The following SLPI variants were observed in gnomAD, a reference collection of about 807,000 sequenced individuals.
SLPI encodes the protein secretory leukocyte peptidase inhibitor, also known as antileukoproteinase.
In SLPI, 20 loss-of-function variants were observed where a neutral mutation model predicts 14.3. The observed-to-expected ratio is 1.40, with a 90% CI of 0.99 to 2.04. The LOEUF (loss-of-function observed/expected upper bound fraction) is 2.04. SLPI is among the 30% of genes most tolerant of loss of function. SLPI has a pLI of 0.00. For synonymous variants in SLPI, 68 were observed against 54.8 expected, an observed-to-expected ratio of 1.24 and a Z score of -1.07; for missense variants, 169 against 159.4, an observed-to-expected ratio of 1.06 and a Z score of -0.32.
chr20:45,253,001 C>A lies in SLPI; in HGVS notation c.394+1G>T. ...TCAGTGTGCCCTCATCCCCTGCTTA[C>A]CTTTCACAGGGGAAACGCAGGATTT... On this transcript the variant is annotated splice_donor_variant, in intron 3 of 3. Coordinates refer to ENST00000338380, the MANE Select transcript of SLPI (RefSeq NM_003064.4). LOFTEE classifies it high-confidence loss of function. 6.2e-7 allele frequency: 1 copy of A among 1,613,696 alleles called. No homozygotes were observed.
rs199774326 is a variant in SLPI at position 45,253,721 on chromosome 20, C to T, written c.98G>A (p.Gly33Glu). The T allele has an allele frequency of 5.6e-5, 91 of 1,613,842 alleles. No homozygotes were observed. Among genetic ancestry groups the T allele is most frequent in the Non-Finnish European group, 7.7e-5 (91 of 1,179,948 alleles). Residue 33 changes from glycine to glutamate, a missense_variant, in exon 2 of 4, where the codon GGA becomes GAA. Gly to Glu is a moderately conservative substitution (Grantham distance 98). Coordinates refer to ENST00000338380, the MANE Select transcript of SLPI (RefSeq NM_003064.4). ...GGCAGATTTCTTAGGAGGACAGACTCCAGCTTTGAAGGCTTTTGAAGAGAA... is the reference window on the plus strand; with the variant it reads ...GGCAGATTTCTTAGGAGGACAGACTTCAGCTTTGAAGGCTTTTGAAGAGAA... ...VEGSGKSFKAGVCPPKKSAQC... is the reference protein window; with the variant it reads ...VEGSGKSFKAEVCPPKKSAQC...
chr20:45,253,475 A>T (rs1984725315), intron 2 of SLPI, 100 bp downstream of exon 2: 2 of 1,166,590 alleles, frequency 1.7e-6, no homozygotes, highest in Admixed American at 2.5e-5. Flanking sequence ...TCACTGACGG[A>T]TTGACAAGGA....
chr20:45,253,168 C>T lies in SLPI; in HGVS notation c.245-17G>A. On this transcript the variant is annotated splice_polypyrimidine_tract_variant and intron_variant, in intron 2 of 3. Transcript: ENST00000338380. ...TCCTCCTTGCTGGGTGAGAGTGAGGCTACCGGTCAGAGGCCTTGTACTTTA... is the reference window on the plus strand; with the variant it reads ...TCCTCCTTGCTGGGTGAGAGTGAGGTTACCGGTCAGAGGCCTTGTACTTTA... The T allele has an allele frequency of 1.2e-6, 2 of 1,612,494 alleles. No homozygotes were observed. The highest frequency in any genetic ancestry group is 1.1e-5 in the South Asian group (1 of 90,836).
intron 1 of SLPI, 31 bp downstream of exon 1, chr20:45,254,428 C>T: frequency 6.3e-7 from 1 of 1,590,988 alleles, no homozygotes; most frequent in Non-Finnish European, 8.6e-7. Context: ...GACCCTGCAG[C>T]CCAGATTAGA....
chr20:45,252,435 A>G lies in SLPI; in HGVS notation c.395-16T>C, dbSNP rs1338268857. Reference sequence around the variant, plus strand: ...AGGAATCAAGCTGTGAGAGAAAATCAGATAAGAGCTTCAGCATAGAAACCA... The same window carrying G: ...AGGAATCAAGCTGTGAGAGAAAATCGGATAAGAGCTTCAGCATAGAAACCA... On this transcript the variant is annotated splice_polypyrimidine_tract_variant and intron_variant, in intron 3 of 3. Transcript: ENST00000338380. 3.7e-6 allele frequency: 6 copies of G among 1,613,626 alleles called. No individual in the cohort carries two copies. Among genetic ancestry groups the G allele is most frequent in the Non-Finnish European group, 5.1e-6 (6 of 1,179,872 alleles).
intron 1 of SLPI, 39 bp from the exon 2 acceptor site, chr20:45,253,772 G>A: frequency 6.3e-7 from 1 of 1,597,204 alleles, no homozygotes; most frequent in Middle Eastern, 1.7e-4. Flanking sequence ...AGGAGGCTGG[G>A]TACTGAGGAC....
intron 1 of SLPI, among the ~76,000 whole-genome samples, chr20:45,254,203 G>C (rs1984750585): frequency 9.6e-6 from 1 of 103,830 alleles, no homozygotes; most frequent in African/African-American, 3.8e-5. Flanking sequence ...GAGTATGAGA[G>C]AGAGAGAGAG....
In SLPI at chr20:45,253,012, G is replaced by A; in HGVS notation, c.384C>T (p.Ser128=). The A allele has an allele frequency of 6.2e-7, 1 of 1,613,940 alleles. No individual in the cohort carries two copies. Among genetic ancestry groups the A allele is most frequent in the Non-Finnish European group, 8.5e-7 (1 of 1,179,910 alleles). Residue 128 remains serine (S), a synonymous_variant, in exon 3 of 4, where the codon TCC becomes TCT. Transcript: ENST00000338380. ...CMGMCGKSCV[S]PVKA Reference sequence around the variant, plus strand: ...TCATCCCCTGCTTACCTTTCACAGGGGAAACGCAGGATTTCCCACACATGC... The same window carrying A: ...TCATCCCCTGCTTACCTTTCACAGGAGAAACGCAGGATTTCCCACACATGC...
Position 45,253,661 on chromosome 20 carries a change from C to T in SLPI, c.158G>A (p.Ser53Asn), listed in dbSNP as rs750151504. 3.7e-6 allele frequency: 6 copies of T among 1,613,040 alleles called. No homozygotes were observed. In the South Asian group the frequency reaches 4.4e-5, roughly 12 times the overall value. The change falls in exon 2 of 4, where the codon AGT becomes AAT. Residue 53 changes from serine (S) to asparagine (N), a missense_variant. Transcript: ENST00000338380. ...CLRYKKPECQ[S>N]DWQCPGKKRC... ...CTTCTTCCCTGGACACTGCCAGTCA[C>T]TCTGGCACTCAGGTTTCTTGTATCT...
At chr20:45,252,721 C>T (rs1031378595) in intron 3 of SLPI, among the ~76,000 whole-genome samples, 2 of 152,136 alleles carry the variant, frequency 1.3e-5, no homozygotes, top group South Asian at 4.2e-4. Flanking sequence ...CACTTTCAAT[C>T]TCATTATGTA....
intron 1 of SLPI, among the ~76,000 whole-genome samples, 179 bp from the exon 2 acceptor site, chr20:45,253,912 C>T (rs1446196320): frequency 6.6e-6 from 1 of 152,082 alleles, no homozygotes; most frequent in African/African-American, 2.4e-5. Context: ...TTAAATTAGA[C>T]AAATGGACAG....
In SLPI at chr20:45,253,561, C is replaced by T; in HGVS notation, c.244+14G>A. 1.9e-6 allele frequency: 3 copies of T among 1,610,650 alleles called. No homozygotes were observed. Among genetic ancestry groups the T allele is most frequent in the Non-Finnish European group, 2.5e-6 (3 of 1,178,136 alleles). ...AGGCTCACTCCTCTCTACCCAGTTC[C>T]CCGACCTGCTTACTTGGGTTTGGGG... is the stretch of plus-strand genomic sequence containing the variant. On this transcript the variant is annotated intron_variant, in intron 2 of 3. Coordinates refer to ENST00000338380, the MANE Select transcript of SLPI (RefSeq NM_003064.4).
Position 45,252,291 on chromosome 20 carries a change from G to T in SLPI, c.*124C>A. 2 of 820,032 alleles carry T rather than the reference G, an allele frequency of 2.4e-6. No homozygotes were observed. The highest frequency in any genetic ancestry group is 2.9e-5 in the Admixed American group (1 of 34,152). 50.8% of individuals were successfully genotyped at this position (820,032 alleles called of 1,614,324 possible). ...ATTCATTGATCAACTGGCACTTCTT[G>T]AAAGCCTGCTGTGTGCCAAGCCTTT... On this transcript the variant is annotated 3_prime_UTR_variant, in exon 4 of 4. Transcript: ENST00000338380.
chr20:45,252,300 C>T lies in SLPI; in HGVS notation c.*115G>A. 1.1e-6 allele frequency: 1 copy of T among 924,550 alleles called. No homozygotes were observed. The highest frequency in any genetic ancestry group is 1.7e-6 in the Non-Finnish European group (1 of 604,488). 57.3% of individuals were successfully genotyped at this position (924,550 alleles called of 1,614,324 possible). On this transcript the variant is annotated 3_prime_UTR_variant, in exon 4 of 4. Transcript: ENST00000338380. ...TCAACTGGCACTTCTTGAAAGCCTG[C>T]TGTGTGCCAAGCCTTTCCCCAAAGG...
chr20:45,252,620 A>G (rs112567380), intron 3 of SLPI, among the ~76,000 whole-genome samples: 5 of 152,348 alleles, frequency 3.3e-5, no homozygotes, highest in African/African-American at 1.2e-4. Flanking sequence ...ATAATCCTCA[A>G]ACTCCACTGA....
chr20:45,253,398 A>G (rs1341172192), intron 2 of SLPI, among the ~76,000 whole-genome samples, 177 bp downstream of exon 2: 1 of 152,058 alleles, frequency 6.6e-6, no homozygotes, highest in East Asian at 1.9e-4. Context: ...GCTTCCAACT[A>G]CCTGGCTATC....
rs1568853550 is a variant in SLPI, at chr20:45,254,539, T to C, written c.5A>G (p.Lys2Arg). 2 of 1,613,716 alleles carry C rather than the reference T, an allele frequency of 1.2e-6. No homozygotes were observed. Among genetic ancestry groups the C allele is most frequent in the South Asian group, 1.1e-5 (1 of 91,034 alleles). The change falls in exon 1 of 4, where the codon AAG becomes AGG. Residue 2 changes from lysine to arginine, a missense_variant. By Grantham distance (26) the Lys-to-Arg change is conservative (BLOSUM62 2). Coordinates refer to ENST00000338380, the MANE Select transcript of SLPI (RefSeq NM_003064.4). ...CAGGAAGGGGAAGAGGCCGCTGGAC[T>C]TCATGGTGAAGGCAGGAGTGACTCT... M[K>R]SSGLFPFLVL...
At chr20:45,253,475 A>G in intron 2 of SLPI, 100 bp downstream of exon 2, 1 of 1,166,590 alleles carries the variant, frequency 8.6e-7, no homozygotes, top group South Asian at 1.5e-5. Context: ...TCACTGACGG[A>G]TTGACAAGGA....
At position 45,253,095 on chromosome 20, in the gene SLPI, G is replaced by C. The variant is rs772600794; in HGVS notation, c.301C>G (p.Pro101Ala). 17 of 1,614,144 alleles carry C rather than the reference G, an allele frequency of 1.1e-5. No homozygotes were observed. Among genetic ancestry groups the C allele is most frequent in the Non-Finnish European group, 1.4e-5 (16 of 1,180,016 alleles). ...VTYGQCLMLN[P>A]PNFCEMDGQC... ...CCATCCATCTCACAGAAATTGGGGGGGTTAAGCATCAAACATTGGCCATAA... is the reference window on the plus strand; with the variant it reads ...CCATCCATCTCACAGAAATTGGGGGCGTTAAGCATCAAACATTGGCCATAA... Residue 101 changes from proline (P) to alanine (A), a missense_variant, in exon 3 of 4, where the codon CCC becomes GCC. By Grantham distance (27) the Pro-to-Ala change is conservative (BLOSUM62 -1). Transcript: ENST00000338380.
Sources: allele counts gnomAD v4.1 joint callset (sites outside exome capture counted in the v4.1 genomes callset), GRCh38; gene constraint gnomAD v4.1.1; transcripts MANE v1.5; gene names NCBI Gene and HGNC (gene_info 2026-07-23, HGNC 2026-07-21).